Variants in B3GAT2 observed in about 807,000 individuals in gnomAD.
B3GAT2 encodes beta-1,3-glucuronyltransferase 2, also known as galactosylgalactosylxylosylprotein 3-beta-glucuronosyltransferase 2.
B3GAT2 carries 26 observed loss-of-function variants against 27.8 expected under a neutral mutation model. The observed-to-expected ratio is 0.93, with a 90% CI of 0.68 to 1.30. The LOEUF (loss-of-function observed/expected upper bound fraction) is 1.30. Among genes scored for constraint, B3GAT2 ranks in the 50% most tolerant of loss-of-function variants. The pLI, the probability that B3GAT2 is intolerant of heterozygous loss-of-function variation, is 0.00. For missense variants in B3GAT2, 458 were observed against 459.0 expected (o/e 1.00, Z 0.02); for synonymous variants, 218 against 195.1 (o/e 1.12, Z -0.98).
intron 1 of B3GAT2, among the ~76,000 whole-genome samples, chr6:70,952,226 C>G (rs1765589094): frequency 6.6e-6 from 1 of 152,188 alleles, no homozygotes; most frequent in Admixed American, 6.5e-5. Context: ...GAAACATCTT[C>G]TAGATGCAAT....
chr6:70,913,898 T>C (rs1772727402), intron 1 of B3GAT2, among the ~76,000 whole-genome samples: 4 of 152,210 alleles, frequency 2.6e-5, no homozygotes, highest in Admixed American at 2.6e-4. Flanking sequence ...GGTACATATA[T>C]TTAGGATATT....
intron 2 of B3GAT2, among the ~76,000 whole-genome samples, chr6:70,878,685 T>C (rs1242021973): frequency 6.6e-6 from 1 of 150,986 alleles, no homozygotes. Flanking sequence ...TTTTTTCCCT[T>C]CTTCTTTTTG....
intron 2 of B3GAT2, among the ~76,000 whole-genome samples, chr6:70,870,184 A>G (rs1484003837): frequency 5.3e-5 from 8 of 152,034 alleles, no homozygotes; most frequent in African/African-American, 1.5e-4. Flanking sequence ...AATGTGGCAC[A>G]TATACACCAT....
In B3GAT2 at chr6:70,861,589, G is replaced by T; in HGVS notation, c.*74C>A. 7.3e-7 allele frequency: 1 copy of T among 1,365,950 alleles called. No homozygotes were observed. The allele number at this position is 1,365,950 out of a possible 1,614,324, so 84.6% of individuals were successfully genotyped here. On this transcript the variant is annotated 3_prime_UTR_variant, in exon 4 of 4. Transcript: ENST00000230053. ...AAAACAAACAATACCTGAATGCTCT[G>T]TAGCCTAAACTCCAAACATCCTCTT...
Position 70,956,361 on chromosome 6 carries a change from G to A in B3GAT2, c.69C>T (p.Leu23=). 1 of 1,563,092 alleles carries A rather than the reference G, an allele frequency of 6.4e-7. No individual in the cohort carries two copies. Among genetic ancestry groups the A allele is most frequent in the Non-Finnish European group, 8.7e-7 (1 of 1,153,134 alleles). ...GCACTGGCCTGCGCGTGTCCACGTCGAGCATGATGATGACAATTAGGATCC... is the reference window on the plus strand; with the variant it reads ...GCACTGGCCTGCGCGTGTCCACGTCAAGCATGATGATGACAATTAGGATCC... ...LPWILIVIIM[L]DVDTRRPVPP... Residue 23 remains leucine, a synonymous_variant, in exon 1 of 4, where the codon CTC becomes CTT. Transcript: ENST00000230053.
intron 2 of B3GAT2, among the ~76,000 whole-genome samples, chr6:70,893,400 C>T (rs1772325090): frequency 1.4e-5 from 2 of 141,434 alleles, no homozygotes; most frequent in Admixed American, 7.5e-5. Flanking sequence ...ATAGATGTCA[C>T]CGAATTTTTT....
At chr6:70,917,662 G>C (rs1772796219) in intron 1 of B3GAT2, among the ~76,000 whole-genome samples, 1 of 152,196 alleles carries the variant, frequency 6.6e-6, no homozygotes, top group Non-Finnish European at 1.5e-5. Context: ...TTACCCAGTA[G>C]TCATTCAGGA....
intron 2 of B3GAT2, among the ~76,000 whole-genome samples, chr6:70,865,544 A>G (rs1771836043): frequency 6.6e-6 from 1 of 152,208 alleles, no homozygotes; most frequent in Non-Finnish European, 1.5e-5. Context: ...ATATGTAAAC[A>G]CTATATCAGG....
intron 1 of B3GAT2, among the ~76,000 whole-genome samples, chr6:70,904,354 A>AG (rs1772561163): frequency 6.6e-6 from 1 of 152,238 alleles, no homozygotes; most frequent in African/African-American, 2.4e-5. Context: ...ACCTCAAGAA[A>AG]GGTAATTCAA....
At chr6:70,870,048 C>G (rs1771908981) in intron 2 of B3GAT2, among the ~76,000 whole-genome samples, 1 of 152,024 alleles carries the variant, frequency 6.6e-6, no homozygotes, top group Non-Finnish European at 1.5e-5. Flanking sequence ...TGGGTATATA[C>G]CCAAAGGATT....
chr6:70,899,321 T>C (rs962408514), intron 1 of B3GAT2, among the ~76,000 whole-genome samples: 1 of 152,218 alleles, frequency 6.6e-6, no homozygotes, highest in Non-Finnish European at 1.5e-5. Context: ...CAGAATGGCC[T>C]CAGGTTCTAG....
intron 1 of B3GAT2, among the ~76,000 whole-genome samples, chr6:70,951,880 C>T (rs185764652): frequency 6.6e-6 from 1 of 152,090 alleles, no homozygotes; most frequent in African/African-American, 2.4e-5. Context: ...TAATGTTCCA[C>T]CCAAGAAAAT....
intron 1 of B3GAT2, among the ~76,000 whole-genome samples, chr6:70,937,781 C>T (rs1321571603): frequency 6.6e-6 from 1 of 152,060 alleles, no homozygotes; most frequent in Admixed American, 6.6e-5. Context: ...CTATGACAAG[C>T]CCACAGCCAA....
At chr6:70,864,491 G>C (rs1428723507) in intron 2 of B3GAT2, among the ~76,000 whole-genome samples, 3 of 152,160 alleles carry the variant, frequency 2.0e-5, no homozygotes, top group African/African-American at 7.2e-5. Flanking sequence ...CAGCACCCTG[G>C]AGACATGTTA....
chr6:70,858,581 C>T lies in B3GAT2; in HGVS notation c.*3082G>A, dbSNP rs1488115370. ...TCTGAGATTAGCACTAAGCTTTATC[C>T]AGCTTGCTGGTGGGACATTTTTACA... On this transcript the variant is annotated 3_prime_UTR_variant, in exon 4 of 4. Coordinates refer to ENST00000230053, the MANE Select transcript of B3GAT2 (RefSeq NM_080742.3). 1 of 167,314 alleles carries T rather than the reference C, an allele frequency of 6.0e-6. No homozygotes were observed. The highest frequency in any genetic ancestry group is 1.3e-5 in the Non-Finnish European group (1 of 78,234). The allele number at this position is 167,314 out of a possible 1,614,324, so 10.4% of individuals were successfully genotyped here. A position where few individuals can be genotyped will look rare whatever the true frequency, so the allele number is the denominator to read the frequency against.
At position 70,902,560 on chromosome 6, in the gene B3GAT2, C is replaced by G. The variant is rs573796240; in HGVS notation, c.592-8288G>C. Among the ~76,000 whole-genome samples the G allele has an allele frequency of 8.2e-5, 12 of 147,150 alleles. No homozygotes were observed. The South Asian group carries it at 2.6e-3, about 32-fold the overall frequency. On this transcript the variant is annotated intron_variant, in intron 1 of 3. Transcript: ENST00000230053. ...TTTATTGCAGCACTATTCACAATAGCCAAGATACAAAATCAACCTAAGTGC... is the reference window on the plus strand; with the variant it reads ...TTTATTGCAGCACTATTCACAATAGGCAAGATACAAAATCAACCTAAGTGC...
At position 70,955,860 on chromosome 6, in the gene B3GAT2, A is replaced by G; in HGVS notation, c.570T>C (p.Tyr190=). 6.2e-7 allele frequency: 1 copy of G among 1,602,366 alleles called. No individual in the cohort carries two copies. Among genetic ancestry groups the G allele is most frequent in the African/African-American group, 1.4e-5 (1 of 74,032 alleles). ...TTACCTCCTGGAAGAGCTCCAGACTATAGGTGTTGTCGTCGTCAGCGAAGA... is the reference window on the plus strand; with the variant it reads ...TTACCTCCTGGAAGAGCTCCAGACTGTAGGTGTTGTCGTCGTCAGCGAAGA... ...VLFFADDDNT[Y]SLELFQEMRT... The change falls in exon 1 of 4, where the codon TAT becomes TAC. Residue 190 remains tyrosine (Y), a synonymous_variant. Transcript: ENST00000230053.
At chr6:70,935,114 G>A (rs1265714840) in intron 1 of B3GAT2, among the ~76,000 whole-genome samples, 1 of 151,764 alleles carries the variant, frequency 6.6e-6, no homozygotes, top group African/African-American at 2.4e-5. Context: ...AAAATTCTGA[G>A]GAGGAATGAA....
chr6:70,878,250 T>C, intron 2 of B3GAT2, among the ~76,000 whole-genome samples: 1 of 152,308 alleles, frequency 6.6e-6, no homozygotes, highest in East Asian at 1.9e-4. Flanking sequence ...TTTAGATAAG[T>C]GTGTTAAACA....
Sources: allele counts gnomAD v4.1 joint callset (sites outside exome capture counted in the v4.1 genomes callset), GRCh38; gene constraint gnomAD v4.1.1; transcripts MANE v1.5; gene names NCBI Gene and HGNC (gene_info 2026-07-23, HGNC 2026-07-21).